The following PUS10 variants were observed in gnomAD, a reference collection of about 807,000 sequenced individuals.
PUS10 encodes pseudouridine synthase 10, also known as tRNA pseudouridine synthase Pus10.
In PUS10, 59 loss-of-function variants were observed where a neutral mutation model predicts 75.0. That is an observed-to-expected ratio of 0.79 (90% CI 0.64 to 0.98). PUS10 has a LOEUF of 0.98. Ranked by LOEUF, PUS10 falls within the 50% of genes least tolerant of loss-of-function variation. The pLI is 0.00. For missense variants in PUS10, 650 were observed against 614.4 expected, an observed-to-expected ratio of 1.06 and a Z score of -0.61; for synonymous variants, 219 against 211.6, an observed-to-expected ratio of 1.03 and a Z score of -0.30.
rs574329893 is a variant in PUS10, at chr2:61,001,465, C to T, written c.468+5092G>A. ...CTAATTTTTGTATTTTTAGTAGAGA[C>T]GGGATTTTACTATGTTGGCTAGGCT... On this transcript the variant is annotated intron_variant, in intron 4 of 17. Transcript: ENST00000316752. Among the ~76,000 whole-genome samples, 57 of 152,138 alleles carry T rather than the reference C, an allele frequency of 3.7e-4. No homozygotes were observed. In the South Asian group the frequency reaches 0.011, roughly 29 times the overall value.
chr2:61,009,852 T>C (rs1188533848), intron 2 of PUS10: 1 of 152,250 alleles, frequency 6.6e-6, no homozygotes, highest in East Asian at 1.9e-4. Flanking sequence ...CTCAAACAAA[T>C]TTAAATCCAT....
chr2:61,007,230 A>T (rs1371476225), intron 3 of PUS10, among the ~76,000 whole-genome samples: 17 of 151,550 alleles, frequency 1.1e-4, no homozygotes, highest in African/African-American at 3.1e-4. Context: ...TTTTTTTTTA[A>T]AAAAAAGAAA....
chr2:60,947,993 T>G, intron 16 of PUS10, 50 bp downstream of exon 16: 1 of 1,609,372 alleles, frequency 6.2e-7, no homozygotes, highest in Non-Finnish European at 8.5e-7. Context: ...CATGAACTTT[T>G]CCAATAGAGT....
intron 8 of PUS10, among the ~76,000 whole-genome samples, chr2:60,963,096 C>T (rs1676128918): frequency 6.6e-6 from 1 of 152,158 alleles, no homozygotes; most frequent in Non-Finnish European, 1.5e-5. Context: ...ACCTCTGTAA[C>T]CCTTCTCTTC....
At chr2:60,989,963 C>T (rs1422342676) in intron 4 of PUS10, among the ~76,000 whole-genome samples, 7 of 151,950 alleles carry the variant, frequency 4.6e-5, no homozygotes, top group Non-Finnish European at 8.8e-5. Context: ...ATATGACCAA[C>T]TCACCAACAA....
chr2:60,989,209 G>A (rs1677918413), intron 4 of PUS10, among the ~76,000 whole-genome samples: 1 of 152,158 alleles, frequency 6.6e-6, no homozygotes, highest in South Asian at 2.1e-4. Flanking sequence ...AGGAATTCTG[G>A]AAGTGGTGGT....
intron 5 of PUS10, 134 bp downstream of exon 5, chr2:60,971,389 T>G: frequency 1.3e-6 from 1 of 748,516 alleles, no homozygotes; most frequent in South Asian, 1.6e-5. Flanking sequence ...GAATAAAAAT[T>G]GGTTCTTTGT....
chr2:60,955,900 A>G (rs1206189156), intron 11 of PUS10, among the ~76,000 whole-genome samples: 1 of 152,138 alleles, frequency 6.6e-6, no homozygotes, highest in Non-Finnish European at 1.5e-5. Context: ...AAGCAAAAAC[A>G]GTCATTATTT....
Position 60,940,815 on chromosome 2 carries a change from T to G in PUS10, c.*1580A>C, listed in dbSNP as rs1293671000. ...AATTCTTACCTTTTTATCAAAAGTT[T>G]GTTATCCTTTTCTCATTTTCTGGGC... On this transcript the variant is annotated 3_prime_UTR_variant, in exon 18 of 18. Coordinates refer to ENST00000316752, the MANE Select transcript of PUS10 (RefSeq NM_144709.4). 1 of 152,360 alleles carries G rather than the reference T, an allele frequency of 6.6e-6. No individual in the cohort carries two copies. The highest frequency in any genetic ancestry group is 1.5e-5 in the Non-Finnish European group (1 of 68,018). The allele number at this position is 152,360 out of a possible 1,614,324, so 9.4% of individuals were successfully genotyped here. A position where few individuals can be genotyped will look rare whatever the true frequency, so the allele number is the denominator to read the frequency against.
At position 60,965,055 on chromosome 2, in the gene PUS10, T is replaced by TA. The variant is rs1301935610; in HGVS notation, c.723+2dup. On this transcript the variant is annotated splice_region_variant and intron_variant, in intron 8 of 17. Transcript: ENST00000316752. The stretch of plus-strand genomic sequence containing the variant: ...AGACTAAGAAGCGGGAACCTTTCCT[T>TA]ACCTGTTTGTTTTTGGCTGGCTTAA... 3 of 1,613,620 alleles carry TA rather than the reference T, an allele frequency of 1.9e-6. No homozygotes were observed. The highest frequency in any genetic ancestry group is 2.5e-6 in the Non-Finnish European group (3 of 1,179,604).
At chr2:60,975,424 C>CA (rs1676976042) in intron 4 of PUS10, among the ~76,000 whole-genome samples, 1 of 152,120 alleles carries the variant, frequency 6.6e-6, no homozygotes, top group East Asian at 1.9e-4. Context: ...CGATTATAGA[C>CA]ATGAGCCACT....
In PUS10 at chr2:60,971,521, AC is replaced by A. The variant is rs771335128; in HGVS notation, c.503+1del. The A allele has an allele frequency of 6.2e-7, 1 of 1,613,326 alleles. No individual in the cohort carries two copies. The highest frequency in any genetic ancestry group is 1.3e-5 in the African/African-American group (1 of 74,906). On this transcript the variant is annotated splice_donor_variant, in intron 5 of 17. Transcript: ENST00000316752. LOFTEE classifies it high-confidence loss of function. Reference sequence around the variant, plus strand: ...TAAAAATTCCCTACCTAAATTACTTACCCCATTTCCTGTTTTACCAGCAACC... The same window carrying A: ...TAAAAATTCCCTACCTAAATTACTTACCCATTTCCTGTTTTACCAGCAACC...
intron 15 of PUS10, among the ~76,000 whole-genome samples, chr2:60,948,894 T>TTCAGATTCATAAGAAC (rs1356243832): frequency 8.5e-5 from 13 of 152,160 alleles, no homozygotes; most frequent in South Asian, 2.1e-4. Context: ...GTTTTAAAAA[T>TTCAGATTCATAAGAAC]TGGGCGTAAT....
chr2:61,018,175 T>A lies in PUS10; in HGVS notation c.-183A>T. Reference sequence around the variant, plus strand: ...TCACTTTGACAGAATGGCTTCTCTATCTTTAAAGCGTAGACTTTGGTCTGT... The same window carrying A: ...TCACTTTGACAGAATGGCTTCTCTAACTTTAAAGCGTAGACTTTGGTCTGT... On this transcript the variant is annotated 5_prime_UTR_variant, in exon 1 of 18. Transcript: ENST00000316752. The A allele has an allele frequency of 3.2e-6, 5 of 1,550,810 alleles. No individual in the cohort carries two copies. The highest frequency in any genetic ancestry group is 4.4e-6 in the Non-Finnish European group (5 of 1,146,884).
intron 16 of PUS10, 148 bp from the exon 17 acceptor site, chr2:60,945,256 T>C (rs1207109139): frequency 1.5e-5 from 8 of 548,584 alleles, no homozygotes; most frequent in Non-Finnish European, 2.6e-5. Context: ...AAAAATAAGC[T>C]TTGGCAATGT....
intron 4 of PUS10, among the ~76,000 whole-genome samples, chr2:60,991,935 AAGCAGTAACT>A (rs1318939858): frequency 6.6e-6 from 1 of 152,204 alleles, no homozygotes; most frequent in Non-Finnish European, 1.5e-5. Flanking sequence ...CAGACCAATA[AAGCAGTAACT>A]GAAATATCAG....
At chr2:60,989,733 C>T (rs1193017003) in intron 4 of PUS10, among the ~76,000 whole-genome samples, 1 of 152,124 alleles carries the variant, frequency 6.6e-6, no homozygotes, top group Non-Finnish European at 1.5e-5. Context: ...ATTCTCCTGC[C>T]TCAGCCTCCC....
intron 8 of PUS10, among the ~76,000 whole-genome samples, chr2:60,964,594 A>T (rs1428812014): frequency 6.6e-6 from 1 of 152,228 alleles, no homozygotes; most frequent in Non-Finnish European, 1.5e-5. Context: ...CAGAAAGAGG[A>T]CATGTTAATT....
chr2:61,001,312 G>A (rs1276209361), intron 4 of PUS10, among the ~76,000 whole-genome samples: 1 of 148,632 alleles, frequency 6.7e-6, no homozygotes, highest in Non-Finnish European at 1.5e-5. Flanking sequence ...TTTAGATGTA[G>A]TCTCCCCAGG....
Sources: gnomAD v4.1 joint callset for allele counts (sites outside exome capture counted in the v4.1 genomes callset) on GRCh38, gnomAD v4.1.1 for gene constraint, MANE v1.5 for transcripts, NCBI Gene and HGNC (gene_info 2026-07-23, HGNC 2026-07-21) for gene names.